The following GLDC variants were observed in gnomAD, a reference collection of about 807,000 sequenced individuals.
GLDC encodes glycine decarboxylase.
Under a neutral mutation model 121.3 loss-of-function variants are expected in GLDC, and 104 were observed. That is an observed-to-expected ratio of 0.86 (90% CI 0.73 to 1.01). The LOEUF (loss-of-function observed/expected upper bound fraction) is 1.01. Among genes scored for constraint, GLDC ranks in the 50% least tolerant of loss-of-function variants. The pLI is 0.00. For synonymous variants in GLDC, 546 were observed against 480.6 expected (o/e 1.14, Z -1.78); for missense variants, 1,429 against 1,306.6 (o/e 1.09, Z -1.44).
At chr9:6,587,349 A>C (rs1818292040) in intron 14 of GLDC, 66 bp from the exon 15 acceptor site, 12 of 1,196,950 alleles carry the variant, frequency 1.0e-5, no homozygotes, top group Non-Finnish European at 1.4e-5. Flanking sequence ...AATAACTTTA[A>C]TAATAATGAC....
chr9:6,634,524 G>C (rs914478414), intron 2 of GLDC, among the ~76,000 whole-genome samples: 2 of 134,718 alleles, frequency 1.5e-5, no homozygotes, highest in Admixed American at 7.6e-5. Context: ...ACCAGACCGT[G>C]TCTCAAACAA....
Position 6,588,438 on chromosome 9 carries a change from G to C in GLDC, c.1670C>G (p.Ser557Cys). Residue 557 changes from serine to cysteine, a missense_variant, in exon 14 of 25, where the codon TCC becomes TGC. Transcript: ENST00000321612. ...SLVHSMIPLG[S>C]CTMKLNSSSE... ...CGAACTGTTCAGTTTCATGGTGCAGGATCCCTTTAAGAAGAACATCCAAAA... is the reference window on the plus strand; with the variant it reads ...CGAACTGTTCAGTTTCATGGTGCAGCATCCCTTTAAGAAGAACATCCAAAA... The C allele has an allele frequency of 6.2e-7, 1 of 1,611,440 alleles. No homozygotes were observed. The highest frequency in any genetic ancestry group is 8.5e-7 in the Non-Finnish European group (1 of 1,177,606).
intron 15 of GLDC, among the ~76,000 whole-genome samples, chr9:6,569,984 G>A (rs1480918244): frequency 1.3e-5 from 2 of 152,122 alleles, no homozygotes; most frequent in African/African-American, 4.8e-5. Context: ...TCATGGCCGG[G>A]GGGATTAAAA....
chr9:6,565,844 A>G (rs549308321), intron 15 of GLDC: 1 of 368,374 alleles, frequency 2.7e-6, no homozygotes, highest in Admixed American at 4.3e-5. Flanking sequence ...ATTTCTCACT[A>G]ACCACTTTCA....
At chr9:6,582,298 C>T (rs1431916363) in intron 15 of GLDC, among the ~76,000 whole-genome samples, 3 of 150,090 alleles carry the variant, frequency 2.0e-5, no homozygotes, top group Admixed American at 6.6e-5. Context: ...GTGGGCAGAT[C>T]ACCTGAGGTC....
chr9:6,596,953 G>T (rs1818504072), intron 8 of GLDC, among the ~76,000 whole-genome samples: 1 of 152,126 alleles, frequency 6.6e-6, no homozygotes, highest in Non-Finnish European at 1.5e-5. Context: ...TTCACAGCAG[G>T]CTTATTTGAA....
At position 6,536,143 on chromosome 9, in the gene GLDC, C is replaced by A. The variant is rs769670556; in HGVS notation, c.2759G>T (p.Cys920Phe). 6.2e-7 allele frequency: 1 copy of A among 1,614,042 alleles called. No individual in the cohort carries two copies. Among genetic ancestry groups the A allele is most frequent in the Non-Finnish European group, 8.5e-7 (1 of 1,179,986 alleles). Residue 920 changes from cysteine (C) to phenylalanine (F), a missense_variant, in exon 23 of 25, where the codon TGT becomes TTT. Cys to Phe is a radical substitution (Grantham distance 205). Coordinates refer to ENST00000321612, the MANE Select transcript of GLDC (RefSeq NM_000170.3). ...SEDKAELDRFCDAMISIRQEI... is the reference protein window; with the variant it reads ...SEDKAELDRFFDAMISIRQEI... ...CTGCCGAATGCTGATCATGGCATCA[C>A]AGAATCTGTCCAGCTCTGCCTTGTC...
intron 11 of GLDC, 62 bp from the exon 12 acceptor site, chr9:6,589,354 C>T (rs1032392909): frequency 9.0e-6 from 9 of 995,288 alleles, no homozygotes; most frequent in Non-Finnish European, 1.3e-5. Flanking sequence ...TGTGGACATC[C>T]AGGCTTCTGG....
chr9:6,601,715 C>T (rs1818614988), intron 8 of GLDC, among the ~76,000 whole-genome samples: 1 of 152,052 alleles, frequency 6.6e-6, no homozygotes, highest in African/African-American at 2.4e-5. Flanking sequence ...GCCTCAACCT[C>T]CCAGATTCTG....
At position 6,539,430 on chromosome 9, in the gene GLDC, G is replaced by C. The variant is rs562713777; in HGVS notation, c.2665+621C>G. Among the ~76,000 whole-genome samples, 3 of 152,216 alleles carry C rather than the reference G, an allele frequency of 2.0e-5. No homozygotes were observed. In the East Asian group the frequency reaches 5.8e-4, roughly 29 times the overall value. On this transcript the variant is annotated intron_variant, in intron 22 of 24. Transcript: ENST00000321612. Reference sequence around the variant, plus strand: ...GGAGGTGGAGGTTGCAGTGAGCTGAGATCACATCACTGCACTCCAGCCTGG... The same window carrying C: ...GGAGGTGGAGGTTGCAGTGAGCTGACATCACATCACTGCACTCCAGCCTGG...
intron 8 of GLDC, among the ~76,000 whole-genome samples, chr9:6,597,674 C>G (rs943091388): frequency 4.6e-5 from 7 of 152,148 alleles, no homozygotes; most frequent in Non-Finnish European, 8.8e-5. Flanking sequence ...TGGTGGCTAA[C>G]GCCTGTAATC....
intron 2 of GLDC, among the ~76,000 whole-genome samples, chr9:6,636,982 G>T (rs925125538): frequency 2.0e-5 from 3 of 152,052 alleles, no homozygotes; most frequent in African/African-American, 7.2e-5. Context: ...TACTCGGGAG[G>T]CTGAGGCAGA....
At chr9:6,616,002 T>C (rs968727379) in intron 3 of GLDC, among the ~76,000 whole-genome samples, 1 of 152,156 alleles carries the variant, frequency 6.6e-6, no homozygotes, top group South Asian at 2.1e-4. Context: ...TGTGCGATGA[T>C]TGGGCACTAC....
chr9:6,593,691 C>CT lies in GLDC; in HGVS notation c.1262-702dup, dbSNP rs201795236. Among the ~76,000 whole-genome samples the CT allele has an allele frequency of 9.4e-3, 1,257 of 133,152 alleles. 17 individuals carry two copies. The highest frequency in any genetic ancestry group is 0.035 in the East Asian group (158 of 4,570). 87.4% of individuals were successfully genotyped at this position (133,152 alleles called of 152,430 possible). On this transcript the variant is annotated intron_variant, in intron 9 of 24. Transcript: ENST00000321612. ...ATATGGATGAACCATGATTTAATCA[C>CT]TTTTTTTTTTTTTTTTTGAGAGATG... is the stretch of plus-strand genomic sequence containing the variant.
At chr9:6,589,075 G>T in intron 12 of GLDC, 120 bp downstream of exon 12, 1 of 763,240 alleles carries the variant, frequency 1.3e-6, no homozygotes. Flanking sequence ...AAATACTTGG[G>T]AGCCACGGCT....
intron 3 of GLDC, among the ~76,000 whole-genome samples, chr9:6,612,165 T>C (rs1818869893): frequency 6.8e-6 from 1 of 147,544 alleles, no homozygotes; most frequent in African/African-American, 2.6e-5. Context: ...AAATCCATTC[T>C]GTTGTATACA....
At chr9:6,551,178 A>G (rs1356839358) in intron 20 of GLDC, among the ~76,000 whole-genome samples, 2 of 152,230 alleles carry the variant, frequency 1.3e-5, no homozygotes, top group African/African-American at 2.4e-5. Flanking sequence ...CAAGCTGACT[A>G]CTGACTACTG....
At chr9:6,633,963 G>A (rs1450257131) in intron 2 of GLDC, among the ~76,000 whole-genome samples, 2 of 150,814 alleles carry the variant, frequency 1.3e-5, no homozygotes, top group Non-Finnish European at 2.9e-5. Context: ...CCGAGTAGCT[G>A]GGACTACAGG....
chr9:6,632,679 C>T (rs894287052), intron 2 of GLDC, among the ~76,000 whole-genome samples: 5 of 152,218 alleles, frequency 3.3e-5, no homozygotes, highest in South Asian at 2.1e-4. Context: ...GCACGCGCCC[C>T]GGTTCAGCCC....
Sources: allele counts gnomAD v4.1 joint callset (sites outside exome capture counted in the v4.1 genomes callset), GRCh38; gene constraint gnomAD v4.1.1; transcripts MANE v1.5; gene names NCBI Gene and HGNC (gene_info 2026-07-23, HGNC 2026-07-21).